The following TRAPPC9 variants were observed in gnomAD, a reference collection of about 807,000 sequenced individuals.
The protein encoded by TRAPPC9 is trafficking protein particle complex subunit 9.
Under a neutral mutation model 124.0 loss-of-function variants are expected in TRAPPC9, and 83 were observed. That is an observed-to-expected ratio of 0.67 (90% CI 0.56 to 0.80). The LOEUF (loss-of-function observed/expected upper bound fraction) is 0.80, where lower values mean the gene tolerates loss of function less well. TRAPPC9 is among the 30% of genes least tolerant of loss of function. The pLI, the probability that TRAPPC9 is intolerant of heterozygous loss-of-function variation, is 0.00. For missense variants in TRAPPC9, 1,302 were observed against 1,508.3 expected (o/e 0.86, Z 2.27); for synonymous variants, 638 against 617.5 (o/e 1.03, Z -0.49).
chr8:139,953,950 G>T (rs547938099), intron 19 of TRAPPC9, among the ~76,000 whole-genome samples: 1 of 152,346 alleles, frequency 6.6e-6, no homozygotes, highest in Admixed American at 6.5e-5. Context: ...TGCAGACGAT[G>T]TAGAGAACCA....
At chr8:139,755,717 G>T in intron 21 of TRAPPC9, among the ~76,000 whole-genome samples, 1 of 141,524 alleles carries the variant, frequency 7.1e-6, no homozygotes, top group Non-Finnish European at 1.5e-5. Context: ...CATGTCGCAG[G>T]AGGAGCCAGG....
chr8:140,098,058 A>G (rs1231855681), intron 17 of TRAPPC9: 1 of 152,162 alleles, frequency 6.6e-6, no homozygotes. Flanking sequence ...CGGCTTCAGC[A>G]GCACCAGGCA....
At chr8:140,009,253 T>A (rs1838965715) in intron 18 of TRAPPC9, among the ~76,000 whole-genome samples, 1 of 152,212 alleles carries the variant, frequency 6.6e-6, no homozygotes, top group South Asian at 2.1e-4. Flanking sequence ...ACTTCTGTGG[T>A]TCAAATATGG....
chr8:139,866,803 T>C (rs1828573069), intron 21 of TRAPPC9, among the ~76,000 whole-genome samples: 1 of 152,134 alleles, frequency 6.6e-6, no homozygotes, highest in Admixed American at 6.5e-5. Flanking sequence ...CATATGTATA[T>C]GTCTATTTCC....
intron 17 of TRAPPC9, among the ~76,000 whole-genome samples, chr8:140,202,992 C>T (rs964252869): frequency 2.0e-5 from 3 of 152,102 alleles, no homozygotes; most frequent in African/African-American, 2.4e-5. Flanking sequence ...CTTCAACAAG[C>T]GTCCAAAAGA....
chr8:139,754,323 A>C (rs1819553523), intron 21 of TRAPPC9, among the ~76,000 whole-genome samples: 1 of 152,192 alleles, frequency 6.6e-6, no homozygotes, highest in Non-Finnish European at 1.5e-5. Context: ...ACCAAGAACT[A>C]GTCAGTTTGT....
At chr8:140,223,515 T>C (rs558773544) in intron 16 of TRAPPC9, among the ~76,000 whole-genome samples, 1 of 152,314 alleles carries the variant, frequency 6.6e-6, no homozygotes, top group African/African-American at 2.4e-5. Context: ...TTTAACACAG[T>C]TGTTGGGAAA....
At chr8:140,152,487 A>G (rs1295630318) in intron 17 of TRAPPC9, among the ~76,000 whole-genome samples, 1 of 150,580 alleles carries the variant, frequency 6.6e-6, no homozygotes, top group Middle Eastern at 3.5e-3. Flanking sequence ...CAGCCTCCCA[A>G]GTAGATGGGA....
chr8:140,298,048 C>T (rs35844381), intron 11 of TRAPPC9, among the ~76,000 whole-genome samples: 45,792 of 152,068 alleles, frequency 0.3, 7,279 homozygotes, highest in Middle Eastern at 0.44. Flanking sequence ...TTTGTTTCCT[C>T]ATCTGTAAAA....
intron 21 of TRAPPC9, among the ~76,000 whole-genome samples, chr8:139,757,790 C>T (rs559584603): frequency 3.3e-5 from 5 of 152,222 alleles, no homozygotes; most frequent in African/African-American, 1.2e-4. Flanking sequence ...CTGCACTGCC[C>T]ACAGTTCTCA....
At chr8:140,315,063 G>A (rs115965919) in intron 9 of TRAPPC9, among the ~76,000 whole-genome samples, 3,432 of 152,194 alleles carry the variant, frequency 0.023, 128 homozygotes, top group African/African-American at 0.077. Flanking sequence ...CCAATAGCGT[G>A]TAAAGAACCC....
At chr8:140,309,707 A>G (rs1426015575) in intron 10 of TRAPPC9, among the ~76,000 whole-genome samples, 1 of 152,238 alleles carries the variant, frequency 6.6e-6, no homozygotes, top group Non-Finnish European at 1.5e-5. Context: ...CCCAAGTCAA[A>G]TGCATTCGGC....
At chr8:139,856,704 A>G (rs1021045678) in intron 21 of TRAPPC9, among the ~76,000 whole-genome samples, 2 of 150,290 alleles carry the variant, frequency 1.3e-5, no homozygotes, top group African/African-American at 4.9e-5. Context: ...TTCACTGTTA[A>G]TTTCCTCCCA....
chr8:140,148,717 C>T (rs1241032291), intron 17 of TRAPPC9, among the ~76,000 whole-genome samples: 2 of 152,114 alleles, frequency 1.3e-5, no homozygotes, highest in Non-Finnish European at 2.9e-5. Flanking sequence ...AGAGAAAATG[C>T]CAAGCAATTC....
intron 4 of TRAPPC9, among the ~76,000 whole-genome samples, chr8:140,430,148 A>C (rs2070585831): frequency 6.8e-6 from 1 of 147,210 alleles, no homozygotes; most frequent in African/African-American, 2.5e-5. Flanking sequence ...CTCCATCCCA[A>C]AAAAAAAAAA....
At chr8:140,384,612 G>A (rs1304673164) in intron 7 of TRAPPC9, among the ~76,000 whole-genome samples, 1 of 152,162 alleles carries the variant, frequency 6.6e-6, no homozygotes, top group East Asian at 1.9e-4. Context: ...TCAACAAGAA[G>A]AGCTAACTAT....
intron 16 of TRAPPC9, among the ~76,000 whole-genome samples, chr8:140,243,167 G>C (rs1050809505): frequency 6.6e-6 from 1 of 152,194 alleles, no homozygotes; most frequent in Admixed American, 6.5e-5. Context: ...AAGACACTTT[G>C]ATGCAGGTGG....
intron 9 of TRAPPC9, among the ~76,000 whole-genome samples, chr8:140,324,926 C>T (rs62529382): frequency 0.085 from 12,946 of 152,060 alleles, 677 homozygotes; most frequent in African/African-American, 0.15. Flanking sequence ...CAAGTACTCA[C>T]GGAAAATCCA....
At chr8:139,778,008 A>G (rs1228468685) in intron 21 of TRAPPC9, among the ~76,000 whole-genome samples, 1 of 152,098 alleles carries the variant, frequency 6.6e-6, no homozygotes, top group African/African-American at 2.4e-5. Context: ...GAGAGAGAGA[A>G]AAAAAAACCT....
Sources: gnomAD v4.1 joint callset for allele counts (sites outside exome capture counted in the v4.1 genomes callset) on GRCh38, gnomAD v4.1.1 for gene constraint, MANE v1.5 for transcripts, NCBI Gene and HGNC (gene_info 2026-07-23, HGNC 2026-07-21) for gene names.